The following KLRG1 variants were observed in gnomAD, a reference collection of about 807,000 sequenced individuals.
KLRG1 encodes the protein killer cell lectin-like receptor subfamily G member 1.
Under a neutral mutation model 21.8 loss-of-function variants are expected in KLRG1, and 16 were observed. That is an observed-to-expected ratio of 0.73 (90% CI 0.50 to 1.11). The LOEUF (loss-of-function observed/expected upper bound fraction) is 1.11. Ranked by LOEUF, KLRG1 falls within the 50% of genes most tolerant of loss-of-function variation. The pLI is 0.00. For synonymous variants in KLRG1, 69 were observed against 75.9 expected, an observed-to-expected ratio of 0.91 and a Z score of 0.47; for missense variants, 173 against 218.3, an observed-to-expected ratio of 0.79 and a Z score of 1.31.
the KLRG1 span, chr12:9,192,386 A>G: frequency 6.3e-6 from 8 of 1,271,954 alleles, no homozygotes; most frequent in Non-Finnish European, 9.0e-6. Context: ...AACTCATGGA[A>G]TGAAGGACGC....
At position 8,992,344 on chromosome 12, in the gene KLRG1, A is replaced by C. The variant is rs755633517; in HGVS notation, c.187+34A>C. ...AAACTTAAACCAAAATTAATCTTTC[A>C]TTTTATATTATAAAAGCAATATAAC... On this transcript the variant is annotated intron_variant, in intron 2 of 4. Coordinates refer to ENST00000356986, the MANE Select transcript of KLRG1 (RefSeq NM_005810.4). The C allele has an allele frequency of 2.8e-6, 4 of 1,421,542 alleles. No homozygotes were observed. The Admixed American group carries it at 8.3e-5, about 29-fold the overall frequency. 88.1% of individuals were successfully genotyped at this position (1,421,542 alleles called of 1,614,324 possible). A position where few individuals can be genotyped will look rare whatever the true frequency, so the allele number is the denominator to read the frequency against.
chr12:9,097,760 GT>G, the KLRG1 span, among the ~76,000 whole-genome samples: 1 of 151,402 alleles, frequency 6.6e-6, no homozygotes, highest in Non-Finnish European at 1.5e-5. Context: ...AGCCTCCTGA[GT>G]AGCTGGGATG....
the KLRG1 span, among the ~76,000 whole-genome samples, chr12:9,036,107 GT>G: frequency 1.3e-5 from 2 of 152,218 alleles, no homozygotes; most frequent in Non-Finnish European, 2.9e-5. Context: ...ATTTACCCAT[GT>G]AACAAACCTG....
the KLRG1 span, chr12:9,165,240 G>A: frequency 6.2e-7 from 1 of 1,614,196 alleles, no homozygotes; most frequent in Non-Finnish European, 8.5e-7. Flanking sequence ...AAGAAGGGCT[G>A]GAAGGCTCGG....
chr12:9,136,381 G>T, the KLRG1 span, among the ~76,000 whole-genome samples: 3 of 151,990 alleles, frequency 2.0e-5, no homozygotes, highest in Non-Finnish European at 4.4e-5. Context: ...ATTATGAATG[G>T]GTATACATTT....
chr12:9,115,285 AC>A, the KLRG1 span: 2 of 154,620 alleles, frequency 1.3e-5, no homozygotes, highest in Admixed American at 1.3e-4. Flanking sequence ...TTCTCTTCTG[AC>A]ATTAGAGTCC....
the KLRG1 span, chr12:9,110,086 C>A: frequency 6.4e-7 from 1 of 1,550,562 alleles, no homozygotes; most frequent in Non-Finnish European, 8.7e-7. Context: ...AGCATTGGAG[C>A]TAATAAAAGA....
chr12:9,088,371 A>T, the KLRG1 span, among the ~76,000 whole-genome samples: 2 of 152,272 alleles, frequency 1.3e-5, no homozygotes, highest in South Asian at 4.1e-4. Context: ...TACACTTAAG[A>T]GATACATCAA....
At chr12:9,206,656 T>A in the KLRG1 span, among the ~76,000 whole-genome samples, 8 of 152,206 alleles carry the variant, frequency 5.3e-5, no homozygotes, top group Non-Finnish European at 8.8e-5. Flanking sequence ...TCTTTTGTAG[T>A]CTCTCACATT....
At chr12:9,048,801 C>T in the KLRG1 span, among the ~76,000 whole-genome samples, 1 of 152,174 alleles carries the variant, frequency 6.6e-6, no homozygotes, top group Non-Finnish European at 1.5e-5. Context: ...ACTCTTACTA[C>T]TCCTAGTCAT....
the KLRG1 span, among the ~76,000 whole-genome samples, chr12:9,075,238 A>G: frequency 3.3e-5 from 5 of 152,362 alleles, no homozygotes; most frequent in Middle Eastern, 3.4e-3. Context: ...TGAAATACCA[A>G]AGGCTGACAT....
chr12:9,094,186 C>G, the KLRG1 span, among the ~76,000 whole-genome samples: 1 of 151,894 alleles, frequency 6.6e-6, no homozygotes, highest in South Asian at 2.1e-4. Flanking sequence ...CTTTGAGAAA[C>G]AGTTTACAGG....
chr12:9,070,069 A>C, the KLRG1 span, among the ~76,000 whole-genome samples: 3 of 152,230 alleles, frequency 2.0e-5, no homozygotes. Context: ...GTAGTTACTC[A>C]TATTTCAAAG....
chr12:8,996,745 A>G (rs771032343), intron 3 of KLRG1, among the ~76,000 whole-genome samples: 8 of 152,288 alleles, frequency 5.3e-5, no homozygotes, highest in Admixed American at 4.6e-4. Flanking sequence ...TTAATTAAAC[A>G]TGAGTTCTTA....
chr12:8,968,546 C>T (rs548163714), intron 1 of KLRG1, among the ~76,000 whole-genome samples: 144 of 152,274 alleles, frequency 9.5e-4, no homozygotes, highest in Middle Eastern at 3.4e-3. Flanking sequence ...AACACCCCCA[C>T]CCCACGTAAT....
At chr12:9,076,883 T>G in the KLRG1 span, 1 of 1,612,736 alleles carries the variant, frequency 6.2e-7, no homozygotes, top group East Asian at 2.2e-5. Flanking sequence ...CCCCTTCTTG[T>G]GCTGTCTTCC....
the KLRG1 span, chr12:9,162,346 G>C: frequency 1.8e-4 from 76 of 411,360 alleles, no homozygotes; most frequent in Middle Eastern, 6.4e-4. Context: ...GGGCTATCCA[G>C]GTAAAAGGGC....
At chr12:8,985,220 A>G (rs1462915003), upstream of KLRG1, among the ~76,000 whole-genome samples, 1 of 150,704 alleles carries the variant, frequency 6.6e-6, no homozygotes, top group Non-Finnish European at 1.5e-5. Context: ...TTGGTCAGAT[A>G]TTTAGTAGAG....
chr12:9,177,112 G>T, the KLRG1 span, among the ~76,000 whole-genome samples: 1 of 152,314 alleles, frequency 6.6e-6, no homozygotes, highest in Admixed American at 6.5e-5. Flanking sequence ...CCCGAACATT[G>T]TTCGTCGCAC....
Sources: gnomAD v4.1 joint callset for allele counts (sites outside exome capture counted in the v4.1 genomes callset) on GRCh38, gnomAD v4.1.1 for gene constraint, MANE v1.5 for transcripts, NCBI Gene and HGNC (gene_info 2026-07-23, HGNC 2026-07-21) for gene names.